Variants in TSPAN7 observed in about 807,000 individuals in gnomAD.
TSPAN7 encodes the protein tetraspanin-7.
TSPAN7 carries 1 observed loss-of-function variant against 17.6 expected under a neutral mutation model. That is an observed-to-expected ratio of 0.06 (90% confidence interval 0.02 to 0.27). The LOEUF is 0.27. TSPAN7 is among the 10% of genes least tolerant of loss of function. TSPAN7 has a pLI of 1.00. For synonymous variants in TSPAN7, 78 were observed against 79.0 expected (o/e 0.99, Z 0.07); for missense variants, 112 against 201.7 (o/e 0.56, Z 2.69).
At chrX:38,577,756 A>G (rs2069203764) in intron 1 of TSPAN7, among the ~76,000 whole-genome samples, 1 of 108,307 alleles carries the variant, frequency 9.2e-6, no homozygotes, top group African/African-American at 3.4e-5. Context: ...TGGCACATGT[A>G]TACATATGTA....
chrX:38,615,809 G>T (rs1196566542), intron 1 of TSPAN7, among the ~76,000 whole-genome samples: 1 of 112,100 alleles, frequency 8.9e-6, no homozygotes, highest in Admixed American at 9.4e-5. Flanking sequence ...AGAAAAATCT[G>T]CTATTCCAAA....
At chrX:38,665,439 C>G (rs1230878114) in intron 1 of TSPAN7, among the ~76,000 whole-genome samples, 4 of 111,370 alleles carry the variant, frequency 3.6e-5, no homozygotes, top group Non-Finnish European at 7.5e-5. Flanking sequence ...GAATCTATCC[C>G]ATAAAGTAAA....
At chrX:38,591,432 T>C (rs765585199) in intron 1 of TSPAN7, among the ~76,000 whole-genome samples, 1 of 112,029 alleles carries the variant, frequency 8.9e-6, no homozygotes, top group African/African-American at 3.2e-5. Flanking sequence ...TTGGGTTTTG[T>C]TTAATAGCCA....
rs768501018 is a variant in TSPAN7 at position 38,584,162 on chromosome X, C to T, written c.81+22535C>T. Among the ~76,000 whole-genome samples the T allele has an allele frequency of 8.3e-5, 9 of 108,998 alleles. No homozygotes were observed. In the East Asian group the frequency reaches 2.6e-3, roughly 31 times the overall value. 94.7% of individuals were successfully genotyped at this position (108,998 alleles called of 115,157 possible). ...TAGAGACGGGGTTTCACCGTGTTAGCCAGGATGGTCTCGATTTCCTGACCT... is the reference window on the plus strand; with the variant it reads ...TAGAGACGGGGTTTCACCGTGTTAGTCAGGATGGTCTCGATTTCCTGACCT... On this transcript the variant is annotated intron_variant, in intron 1 of 7. Coordinates refer to ENST00000378482, the MANE Select transcript of TSPAN7 (RefSeq NM_004615.4).
intron 1 of TSPAN7, among the ~76,000 whole-genome samples, chrX:38,620,208 C>A (rs2069481530): frequency 8.9e-6 from 1 of 111,884 alleles, no homozygotes; most frequent in East Asian, 2.8e-4. Context: ...TCAGTTGCAA[C>A]TCTAACTCAT....
intron 6 of TSPAN7, among the ~76,000 whole-genome samples, chrX:38,685,203 G>C (rs1319855023): frequency 8.9e-6 from 1 of 111,901 alleles, no homozygotes; most frequent in East Asian, 2.8e-4. Context: ...GATAGGACAA[G>C]AGGGTACAAC....
At chrX:38,671,981 G>A (rs972726962) in intron 3 of TSPAN7, among the ~76,000 whole-genome samples, 2 of 111,475 alleles carry the variant, frequency 1.8e-5, no homozygotes, top group Non-Finnish European at 3.8e-5. Flanking sequence ...TTGGGAGGTC[G>A]AGGCTGCAGT....
At chrX:38,624,275 G>A (rs2069507779) in intron 1 of TSPAN7, among the ~76,000 whole-genome samples, 1 of 111,302 alleles carries the variant, frequency 9.0e-6, no homozygotes, top group African/African-American at 3.3e-5. Flanking sequence ...TCAAAATGTT[G>A]TTATTTAAAG....
intron 1 of TSPAN7, among the ~76,000 whole-genome samples, chrX:38,634,278 C>T (rs1004707597): frequency 9.0e-6 from 1 of 111,688 alleles, no homozygotes; most frequent in Admixed American, 9.5e-5. Context: ...TGGAACACAT[C>T]CTTAAGAATC....
At position 38,663,626 on chromosome X, in the gene TSPAN7, G is replaced by C. The variant is rs146782450; in HGVS notation, c.82-2495G>C. Among the ~76,000 whole-genome samples, 80 of 112,434 alleles carry C rather than the reference G, an allele frequency of 7.1e-4. No homozygotes were observed. In the East Asian group the frequency reaches 0.022, roughly 31 times the overall value. On this transcript the variant is annotated intron_variant, in intron 1 of 7. Transcript: ENST00000378482. ...ATGACCATTTTAACAAACTGGTATA[G>C]GTTTTGCACTTACATGAGGAGAGGG...
intron 1 of TSPAN7, chrX:38,563,207 T>C: frequency 1.2e-6 from 1 of 821,404 alleles, no homozygotes; most frequent in Non-Finnish European, 1.6e-6. Context: ...ACTGGCATAT[T>C]GCACAAGGCA....
chrX:38,681,374 C>A, intron 6 of TSPAN7, 87 bp downstream of exon 6: 2 of 817,389 alleles, frequency 2.4e-6, no homozygotes, highest in Non-Finnish European at 1.9e-6. Context: ...CCTTCCTGTG[C>A]TTTGGGAAAA....
chrX:38,661,719 A>T (rs2069746279), intron 1 of TSPAN7, among the ~76,000 whole-genome samples: 1 of 112,012 alleles, frequency 8.9e-6, no homozygotes. Flanking sequence ...TGAGAAAGGT[A>T]ACATATGCTG....
intron 1 of TSPAN7, among the ~76,000 whole-genome samples, chrX:38,643,544 A>C (rs1422463444): frequency 9.1e-6 from 1 of 109,826 alleles, no homozygotes; most frequent in Non-Finnish European, 1.9e-5. Context: ...ATTTTAAAAA[A>C]TTTAAACCAG....
At chrX:38,599,941 A>C (rs1245208944) in intron 1 of TSPAN7, among the ~76,000 whole-genome samples, 2 of 111,838 alleles carry the variant, frequency 1.8e-5, no homozygotes, top group Admixed American at 1.9e-4. Context: ...ATCTCTTTCT[A>C]GTAGCAGTTG....
At chrX:38,605,483 G>A (rs1451824379) in intron 1 of TSPAN7, among the ~76,000 whole-genome samples, 1 of 109,976 alleles carries the variant, frequency 9.1e-6, no homozygotes, top group Non-Finnish European at 1.9e-5. Flanking sequence ...TGGCCATACT[G>A]CCCAAGGTAA....
chrX:38,624,920 G>A (rs1602103798), intron 1 of TSPAN7, among the ~76,000 whole-genome samples: 1 of 112,539 alleles, frequency 8.9e-6, no homozygotes, highest in African/African-American at 3.2e-5. Flanking sequence ...ACTAAGGTTT[G>A]AGAGTTTCTA....
intron 1 of TSPAN7, among the ~76,000 whole-genome samples, chrX:38,591,983 G>A (rs946043135): frequency 8.0e-5 from 9 of 111,843 alleles, no homozygotes; most frequent in African/African-American, 2.9e-4. Context: ...GCTGGCGGAG[G>A]CCTCAGGAAA....
At chrX:38,670,264 A>G (rs943650324) in intron 2 of TSPAN7, among the ~76,000 whole-genome samples, 8 of 111,997 alleles carry the variant, frequency 7.1e-5, no homozygotes, top group African/African-American at 2.6e-4. Flanking sequence ...ATTATATTTC[A>G]TTTTGAAATA....
Sources: gnomAD v4.1 joint callset for allele counts (sites outside exome capture counted in the v4.1 genomes callset) on GRCh38, gnomAD v4.1.1 for gene constraint, MANE v1.5 for transcripts, NCBI Gene and HGNC (gene_info 2026-07-23, HGNC 2026-07-21) for gene names.